Variants in SORBS2 observed in about 807,000 individuals in gnomAD.
SORBS2 encodes sorbin and SH3 domain-containing protein 2.
In SORBS2, 46 loss-of-function variants were observed where a neutral mutation model predicts 97.7. That is an observed-to-expected ratio of 0.47 (90% CI 0.37 to 0.60). SORBS2 has a LOEUF of 0.60. Ranked by LOEUF, SORBS2 falls within the 20% of genes least tolerant of loss-of-function variation. SORBS2 has a pLI of 0.00. For synonymous variants in SORBS2, 476 were observed against 473.4 expected, an observed-to-expected ratio of 1.01 and a Z score of -0.07; for missense variants, 1,316 against 1,282.3, an observed-to-expected ratio of 1.03 and a Z score of -0.40.
chr4:185,869,358 T>C (rs187918410), intron 1 of SORBS2, among the ~76,000 whole-genome samples: 19 of 152,318 alleles, frequency 1.2e-4, no homozygotes, highest in African/African-American at 3.8e-4. Flanking sequence ...CAAGGTTTAT[T>C]TTTTTCTACT....
intron 2 of SORBS2, among the ~76,000 whole-genome samples, chr4:185,717,272 C>G (rs1317062767): frequency 6.6e-6 from 1 of 152,184 alleles, no homozygotes; most frequent in African/African-American, 2.4e-5. Context: ...AGGGCATAAC[C>G]CTGCCACTGT....
chr4:185,641,968 C>G (rs2097133973), intron 4 of SORBS2, among the ~76,000 whole-genome samples: 1 of 152,142 alleles, frequency 6.6e-6, no homozygotes, highest in Non-Finnish European at 1.5e-5. Context: ...CGAGATTCCA[C>G]TAAGTATTCT....
upstream of SORBS2, among the ~76,000 whole-genome samples, chr4:185,659,701 G>T (rs991403005): frequency 6.6e-6 from 1 of 152,152 alleles, no homozygotes; most frequent in Non-Finnish European, 1.5e-5. Context: ...GATTACAGGC[G>T]TGAGCCACCG....
intron 12 of SORBS2, among the ~76,000 whole-genome samples, chr4:185,611,503 C>G (rs969209695): frequency 1.3e-5 from 2 of 151,896 alleles, no homozygotes; most frequent in East Asian, 3.9e-4. Flanking sequence ...ATATATCATA[C>G]GAGACTTCAT....
intron 7 of SORBS2, 91 bp downstream of exon 19, chr4:185,622,823 C>T: frequency 2.3e-6 from 3 of 1,329,600 alleles, no homozygotes; most frequent in Non-Finnish European, 3.1e-6. Context: ...GGTCTCCCAG[C>T]TCGGGAGTGA....
In SORBS2 at chr4:185,809,455, C is replaced by CAAAAAAAAAAAA. The variant is rs55713465; in HGVS notation, c.-337-34101_-337-34090dup. On this transcript the variant is annotated intron_variant, in intron 1 of 20. Coordinates refer to the SORBS2 transcript ENST00000284776. ...GACTCTTCAGGGGGCACTGCATTTG[C>CAAAAAAAAAAAA]AAAAAAAAAAAAAAAAAAAAAAAAA... Among the ~76,000 whole-genome samples the CAAAAAAAAAAAA allele has an allele frequency of 5.7e-3, 271 of 47,288 alleles. 69 individuals carry two copies. Among genetic ancestry groups the CAAAAAAAAAAAA allele is most frequent in the Non-Finnish European group, 7.5e-3 (214 of 28,458 alleles). The allele number at this position is 47,288 out of a possible 152,430, so 31.0% of individuals were successfully genotyped here.
In SORBS2 at chr4:185,880,801, C is replaced by T. The variant is rs116742857; in HGVS notation, c.-338+75395G>A. Among the ~76,000 whole-genome samples the T allele has an allele frequency of 2.9e-3, 444 of 152,290 alleles. 1 individual carries two copies. Among genetic ancestry groups the T allele is most frequent in the African/African-American group, 0.01 (420 of 41,570 alleles). On this transcript the variant is annotated intron_variant, in intron 1 of 20. Coordinates refer to the SORBS2 transcript ENST00000284776. ...AGCTCATAGGCTGGAAGCAAATAGA[C>T]TGTGGTCAGACAAGGGCTGACAGGT...
In SORBS2 at chr4:185,877,943, A is replaced by C. The variant is rs1288852148; in HGVS notation, c.-338+78253T>G. 6.5e-4 allele frequency among the ~76,000 whole-genome samples: 35 copies of C among 53,870 alleles called. No individual in the cohort carries two copies. In the Admixed American group the frequency reaches 6.5e-3, roughly 10 times the overall value. 35.3% of individuals were successfully genotyped at this position (53,870 alleles called of 152,430 possible). On this transcript the variant is annotated intron_variant, in intron 1 of 20. Transcript: ENST00000284776. ...AGAAAAATAAAGCAACTCTTTACCC[A>C]AAAAAACAAAAATAAACAGTATCCT... is the stretch of plus-strand genomic sequence containing the variant.
chr4:185,619,526 C>T (rs564476852), intron 8 of SORBS2, among the ~76,000 whole-genome samples: 1 of 152,328 alleles, frequency 6.6e-6, no homozygotes, highest in East Asian at 1.9e-4. Flanking sequence ...AGCAAGAACT[C>T]TAGCCCCGGC....
chr4:185,613,652 A>AG (rs2096580493), intron 11 of SORBS2, among the ~76,000 whole-genome samples: 1 of 149,812 alleles, frequency 6.7e-6, no homozygotes, highest in South Asian at 2.1e-4. Flanking sequence ...ATCTCAAAAA[A>AG]AAAAAAAAAA....
intron 1 of SORBS2, among the ~76,000 whole-genome samples, chr4:185,793,950 C>T (rs1319834712): frequency 6.6e-6 from 1 of 152,200 alleles, no homozygotes; most frequent in Non-Finnish European, 1.5e-5. Flanking sequence ...AGGCTCCTGC[C>T]TGGCCTGCCC....
intron 1 of SORBS2, among the ~76,000 whole-genome samples, chr4:185,816,863 G>A (rs764233000): frequency 2.0e-5 from 3 of 152,174 alleles, no homozygotes; most frequent in Admixed American, 6.5e-5. Flanking sequence ...ATAAAAAACC[G>A]TTCAACAAAC....
chr4:185,903,069 G>T (rs1195995757), intron 1 of SORBS2, among the ~76,000 whole-genome samples: 2 of 152,136 alleles, frequency 1.3e-5, no homozygotes, highest in Middle Eastern at 3.2e-3. Flanking sequence ...GGTTCTCAGG[G>T]GGTGCCTTCC....
intron 1 of SORBS2, among the ~76,000 whole-genome samples, chr4:185,828,010 C>T (rs1316881901): frequency 5.2e-5 from 3 of 57,798 alleles, no homozygotes; most frequent in African/African-American, 1.8e-4. Context: ...TCATCATCAT[C>T]GTCACCATCA....
intron 1 of SORBS2, among the ~76,000 whole-genome samples, chr4:185,834,460 A>T (rs1221222111): frequency 6.6e-6 from 1 of 152,206 alleles, no homozygotes; most frequent in Non-Finnish European, 1.5e-5. Context: ...GAGCAAAAAA[A>T]AATATACCCT....
At chr4:185,751,018 A>G (rs557156085) in intron 2 of SORBS2, among the ~76,000 whole-genome samples, 1 of 152,036 alleles carries the variant, frequency 6.6e-6, no homozygotes, top group African/African-American at 2.4e-5. Context: ...TTCTGTCTCA[A>G]AAAGTTTATT....
At chr4:185,956,331 T>TTACGGCATG (rs1423034363) in exon 1 of SORBS2, 3 of 152,208 alleles carry the variant, frequency 2.0e-5, no homozygotes, top group Non-Finnish European at 4.4e-5. Context: ...TAGGGAGCAT[T>TTACGGCATG]TACGGCATGT....
intron 12 of SORBS2, among the ~76,000 whole-genome samples, chr4:185,605,176 C>T (rs2096378118): frequency 6.6e-6 from 1 of 152,220 alleles, no homozygotes; most frequent in African/African-American, 2.4e-5. Flanking sequence ...AAGAATTTGA[C>T]TTGGATAGTA....
At chr4:185,833,066 A>G (rs1226722134) in intron 1 of SORBS2, among the ~76,000 whole-genome samples, 3 of 152,226 alleles carry the variant, frequency 2.0e-5, no homozygotes, top group Non-Finnish European at 4.4e-5. Flanking sequence ...ACATAGTTGG[A>G]ACATTTTTGT....
Sources: allele counts gnomAD v4.1 joint callset (sites outside exome capture counted in the v4.1 genomes callset), GRCh38; gene constraint gnomAD v4.1.1; transcripts MANE v1.5; gene names NCBI Gene and HGNC (gene_info 2026-07-23, HGNC 2026-07-21).